The following TSPEAR variants were observed in gnomAD, a reference collection of about 807,000 sequenced individuals.
TSPEAR encodes thrombospondin type laminin G domain and EAR repeats.
In TSPEAR, 69 loss-of-function variants were observed where a neutral mutation model predicts 71.6. That is an observed-to-expected ratio of 0.96 (90% CI 0.79 to 1.18). TSPEAR has a LOEUF of 1.18. Ranked by LOEUF, TSPEAR falls within the 50% of genes most tolerant of loss-of-function variation. The probability of loss-of-function intolerance (pLI) is 0.00; values close to 1 mark genes in which losing one functional copy is unlikely to be tolerated. For missense variants in TSPEAR, 971 were observed against 894.9 expected (o/e 1.09, Z -1.09); for synonymous variants, 402 against 387.2 (o/e 1.04, Z -0.45).
At chr21:44,596,604 G>C (rs1980385113) in intron 1 of TSPEAR, among the ~76,000 whole-genome samples, 1 of 152,218 alleles carries the variant, frequency 6.6e-6, no homozygotes, top group Non-Finnish European at 1.5e-5. Context: ...CAAAGCCGTG[G>C]AGCAACCTCA....
Position 44,691,880 on chromosome 21 carries a change from A to G in TSPEAR, c.82+19553T>C, listed in dbSNP as rs546053717. Among the ~76,000 whole-genome samples the G allele has an allele frequency of 2.5e-4, 38 of 152,336 alleles. 1 individual carries two copies. In the Middle Eastern group the frequency reaches 0.01, roughly 41 times the overall value. On this transcript the variant is annotated intron_variant, in intron 1 of 11. Transcript: ENST00000323084. ...TCTGTGAAGCAAACATTATGCTGATACCAAACCCACATAAGACATCAAAAG... is the reference window on the plus strand; with the variant it reads ...TCTGTGAAGCAAACATTATGCTGATGCCAAACCCACATAAGACATCAAAAG...
chr21:44,515,276 G>A lies in TSPEAR; in HGVS notation c.1567-5890C>T, dbSNP rs146419326. On this transcript the variant is annotated intron_variant, in intron 9 of 11. Transcript: ENST00000323084. Reference sequence around the variant, plus strand: ...GAATTACTGAGTTTTGAAAGATGAGGCTCAGGCCAGGTGGAGAGGAAGCCC... The same window carrying A: ...GAATTACTGAGTTTTGAAAGATGAGACTCAGGCCAGGTGGAGAGGAAGCCC... Among the ~76,000 whole-genome samples the A allele has an allele frequency of 5.4e-4, 82 of 152,370 alleles. No homozygotes were observed. In the East Asian group the frequency reaches 0.015, roughly 28 times the overall value.
chr21:44,613,000 C>A lies in TSPEAR; in HGVS notation c.83-44995G>T. 1 of 1,436,818 alleles carries A rather than the reference C, an allele frequency of 7.0e-7. No homozygotes were observed. The highest frequency in any genetic ancestry group is 9.5e-7 in the Non-Finnish European group (1 of 1,056,700). The allele number at this position is 1,436,818 out of a possible 1,614,324, so 89.0% of individuals were successfully genotyped here. A position where few individuals can be genotyped will look rare whatever the true frequency, so the allele number is the denominator to read the frequency against. Reference sequence around the variant, plus strand: ...CCTGGGATGGGGTCTCCATGTCTCCCCTGTGCTGAGGTGACCTCTCCCTCC... The same window carrying A: ...CCTGGGATGGGGTCTCCATGTCTCCACTGTGCTGAGGTGACCTCTCCCTCC... On this transcript the variant is annotated intron_variant, in intron 1 of 11. Coordinates refer to ENST00000323084, the MANE Select transcript of TSPEAR (RefSeq NM_144991.3). This position sits in a 1 kb window ranked among gnomAD's most constrained non-coding sequence, Gnocchi z 4.1.
intron 1 of TSPEAR, among the ~76,000 whole-genome samples, chr21:44,606,526 T>C (rs587667607): frequency 6.6e-6 from 1 of 152,356 alleles, no homozygotes; most frequent in Admixed American, 6.5e-5. Flanking sequence ...TCTGGTTTTA[T>C]ATCTAAAATA....
rs921500545 is a variant in TSPEAR, at chr21:44,546,401, C to T, written c.304-12478G>A. Reference sequence around the variant, plus strand: ...CCAGGCTGGAGTGCAGTGGTGCGATCTCTGCTCACTGCAAGCTCCGCCTCC... The same window carrying T: ...CCAGGCTGGAGTGCAGTGGTGCGATTTCTGCTCACTGCAAGCTCCGCCTCC... On this transcript the variant is annotated intron_variant, in intron 2 of 11. Coordinates refer to ENST00000323084, the MANE Select transcript of TSPEAR (RefSeq NM_144991.3). This position sits in a 1 kb window ranked among gnomAD's most constrained non-coding sequence, Gnocchi z 4.4. Among the ~76,000 whole-genome samples, 6 of 152,224 alleles carry T rather than the reference C, an allele frequency of 3.9e-5. No individual in the cohort carries two copies. Among genetic ancestry groups the T allele is most frequent in the Non-Finnish European group, 1.5e-5 (1 of 68,052 alleles).
intron 2 of TSPEAR, among the ~76,000 whole-genome samples, chr21:44,553,157 T>C (rs1467843061): frequency 1.3e-5 from 2 of 152,244 alleles, no homozygotes; most frequent in African/African-American, 4.8e-5. Flanking sequence ...GCACTTGGCA[T>C]CTATTAATTC....
intron 1 of TSPEAR, among the ~76,000 whole-genome samples, chr21:44,705,736 T>C (rs1486452746): frequency 1.3e-5 from 2 of 152,218 alleles, no homozygotes; most frequent in Non-Finnish European, 2.9e-5. Flanking sequence ...ATGTTATCAA[T>C]GACAATGGTG....
chr21:44,551,574 G>A, intron 2 of TSPEAR: 1 of 1,418,422 alleles, frequency 7.1e-7, no homozygotes. Context: ...TATATGCCCA[G>A]GGCCTGTGTT....
At chr21:44,511,422 AT>A (rs1410039847) in intron 9 of TSPEAR, among the ~76,000 whole-genome samples, 2 of 152,188 alleles carry the variant, frequency 1.3e-5, no homozygotes, top group Non-Finnish European at 2.9e-5. Context: ...GCCTGTACAC[AT>A]GTGGATACAC....
At chr21:44,529,340 G>T (rs1371457157) in intron 5 of TSPEAR, among the ~76,000 whole-genome samples, 1 of 152,240 alleles carries the variant, frequency 6.6e-6, no homozygotes, top group Non-Finnish European at 1.5e-5. Flanking sequence ...TGGGCCGGGG[G>T]ATCGTGGAAG....
At chr21:44,560,746 G>A (rs587636667) in intron 2 of TSPEAR, among the ~76,000 whole-genome samples, 3 of 152,228 alleles carry the variant, frequency 2.0e-5, no homozygotes, top group South Asian at 2.1e-4. Context: ...GGTAAGTAAC[G>A]AAATTAAGGC....
At position 44,678,031 on chromosome 21, in the gene TSPEAR, T is replaced by A. The variant is rs150581415; in HGVS notation, c.82+33402A>T. 1.0e-5 allele frequency: 8 copies of A among 783,048 alleles called. No homozygotes were observed. The African/African-American group carries it at 1.4e-4, about 13-fold the overall frequency. The allele number at this position is 783,048 out of a possible 1,614,324, so 48.5% of individuals were successfully genotyped here. A position where few individuals can be genotyped will look rare whatever the true frequency, so the allele number is the denominator to read the frequency against. On this transcript the variant is annotated intron_variant, in intron 1 of 11. Coordinates refer to ENST00000323084, the MANE Select transcript of TSPEAR (RefSeq NM_144991.3). ...CAGTGGACGGAGGACTAACTTCCCA[T>A]AGAGACAACTCTGGGCCACAGCGGT...
intron 1 of TSPEAR, among the ~76,000 whole-genome samples, chr21:44,625,861 T>C (rs980282694): frequency 2.0e-5 from 3 of 152,182 alleles, no homozygotes; most frequent in Non-Finnish European, 2.9e-5. Flanking sequence ...CCAGGGACAG[T>C]AGCTGGAGGA....
At chr21:44,502,673 A>G (rs1483013156) in intron 11 of TSPEAR, among the ~76,000 whole-genome samples, 6 of 152,262 alleles carry the variant, frequency 3.9e-5, no homozygotes, top group African/African-American at 1.2e-4. Context: ...CACCCGGGGC[A>G]GGGCCCCAGC....
chr21:44,502,080 T>C (rs2052042210), intron 11 of TSPEAR, among the ~76,000 whole-genome samples: 1 of 152,202 alleles, frequency 6.6e-6, no homozygotes, highest in African/African-American at 2.4e-5. Context: ...CCAAGTGGCA[T>C]CGGGTCTAAT....
chr21:44,610,789 C>A (rs1325372695), intron 1 of TSPEAR, among the ~76,000 whole-genome samples: 1 of 152,226 alleles, frequency 6.6e-6, no homozygotes, highest in Non-Finnish European at 1.5e-5. Flanking sequence ...CCCTGCAAAG[C>A]CACAGGGGTG....
chr21:44,673,893 C>A (rs1264765726), intron 1 of TSPEAR, among the ~76,000 whole-genome samples: 2 of 139,404 alleles, frequency 1.4e-5, no homozygotes, highest in Non-Finnish European at 3.2e-5. Context: ...ATAAGGAAAT[C>A]AAAAAATTTC....
chr21:44,685,007 G>A (rs1398201761), intron 1 of TSPEAR, among the ~76,000 whole-genome samples: 1 of 152,140 alleles, frequency 6.6e-6, no homozygotes, highest in Admixed American at 6.5e-5. Flanking sequence ...TTGTCCCTAG[G>A]CCTTAAGGTC....
chr21:44,517,658 C>A, intron 9 of TSPEAR: 1 of 427,786 alleles, frequency 2.3e-6, no homozygotes, highest in Non-Finnish European at 4.8e-6. Flanking sequence ...AGAACTAACC[C>A]AATATGGCAG....
Sources: allele counts gnomAD v4.1 joint callset (sites outside exome capture counted in the v4.1 genomes callset), GRCh38; gene constraint gnomAD v4.1.1; non-coding constraint Gnocchi (gnomAD v3.1); transcripts MANE v1.5; gene names NCBI Gene and HGNC (gene_info 2026-07-23, HGNC 2026-07-21).